Variants in CCDC91 observed in about 807,000 individuals in gnomAD.
The protein encoded by CCDC91 is coiled-coil domain-containing protein 91.
In CCDC91, 48 loss-of-function variants were observed where a neutral mutation model predicts 63.2. The observed-to-expected ratio is 0.76, with a 90% CI of 0.60 to 0.97. CCDC91 has a LOEUF of 0.97. Among genes scored for constraint, CCDC91 ranks in the 50% least tolerant of loss-of-function variants. The probability of loss-of-function intolerance (pLI) is 0.00; values close to 1 mark genes in which losing one functional copy is unlikely to be tolerated. For missense variants in CCDC91, 500 were observed against 494.6 expected (o/e 1.01, Z -0.10); for synonymous variants, 167 against 165.8 (o/e 1.01, Z -0.06).
chr12:28,486,441 C>T (rs2140946872), intron 12 of CCDC91, among the ~76,000 whole-genome samples: 1 of 152,098 alleles, frequency 6.6e-6, no homozygotes, highest in Admixed American at 6.6e-5. Context: ...TATGGCCAAT[C>T]TTTATTTGAG....
At chr12:28,413,329 A>AT (rs1272029124) in intron 8 of CCDC91, among the ~76,000 whole-genome samples, 1 of 151,972 alleles carries the variant, frequency 6.6e-6, no homozygotes, top group Non-Finnish European at 1.5e-5. Flanking sequence ...TTCTTAATGG[A>AT]TTTTTACCCC....
intron 8 of CCDC91, among the ~76,000 whole-genome samples, chr12:28,432,701 T>C (rs186974794): frequency 8.5e-5 from 13 of 152,278 alleles, no homozygotes; most frequent in Admixed American, 7.9e-4. Context: ...ATGTTTTTTG[T>C]GGACATGAGT....
chr12:28,545,073 A>G (rs1315330248), intron 12 of CCDC91, among the ~76,000 whole-genome samples: 1 of 152,066 alleles, frequency 6.6e-6, no homozygotes, highest in Non-Finnish European at 1.5e-5. Flanking sequence ...AAATTAAAGC[A>G]ACAGAAAATG....
intron 1 of CCDC91, among the ~76,000 whole-genome samples, chr12:28,237,235 TACACACACAC>T (rs58134900): frequency 4.2e-5 from 6 of 143,126 alleles, no homozygotes; most frequent in African/African-American, 1.5e-4. Context: ...GTATTACACA[TACACACACAC>T]ACACACACAC....
intron 11 of CCDC91, among the ~76,000 whole-genome samples, chr12:28,475,947 A>C (rs926385934): frequency 2.0e-5 from 3 of 152,034 alleles, no homozygotes; most frequent in Non-Finnish European, 4.4e-5. Flanking sequence ...CTGATTATAC[A>C]GGCTTGTTTC....
intron 7 of CCDC91, among the ~76,000 whole-genome samples, chr12:28,364,188 C>T (rs1944115635): frequency 1.3e-5 from 2 of 151,972 alleles, no homozygotes; most frequent in Non-Finnish European, 2.9e-5. Context: ...GGGTTCCAGA[C>T]CAGCCTGGCC....
At chr12:28,473,829 C>T (rs1254109834) in intron 11 of CCDC91, among the ~76,000 whole-genome samples, 1 of 152,110 alleles carries the variant, frequency 6.6e-6, no homozygotes, top group Non-Finnish European at 1.5e-5. Context: ...AAACAAGCTC[C>T]TTTCTTCCCC....
chr12:28,483,703 A>T (rs142059923), intron 11 of CCDC91, among the ~76,000 whole-genome samples: 1 of 152,272 alleles, frequency 6.6e-6, no homozygotes, highest in Non-Finnish European at 1.5e-5. Context: ...TTCTTGGAAG[A>T]ATAAACACAA....
At chr12:28,388,627 C>T (rs1472427629) in intron 7 of CCDC91, among the ~76,000 whole-genome samples, 1 of 152,178 alleles carries the variant, frequency 6.6e-6, no homozygotes, top group African/African-American at 2.4e-5. Flanking sequence ...AATGGAAATA[C>T]ATCCCATGCT....
intron 8 of CCDC91, among the ~76,000 whole-genome samples, chr12:28,448,582 A>G (rs960026352): frequency 2.6e-5 from 4 of 152,096 alleles, no homozygotes; most frequent in African/African-American, 9.7e-5. Context: ...TTTTTATTGG[A>G]CCACTTAGGA....
At chr12:28,240,189 C>T (rs376254166) in intron 1 of CCDC91, among the ~76,000 whole-genome samples, 6 of 152,118 alleles carry the variant, frequency 3.9e-5, no homozygotes, top group African/African-American at 9.7e-5. Context: ...GTCCATTTTA[C>T]GCTTTCTAAT....
Position 28,503,622 on chromosome 12 carries a change from A to G in CCDC91, c.1215+19457A>G, listed in dbSNP as rs184653349. On this transcript the variant is annotated intron_variant, in intron 12 of 12. Coordinates refer to ENST00000536442, the MANE Select transcript of CCDC91 (RefSeq NM_018318.5). Reference sequence around the variant, plus strand: ...AGGACTACAAATCATACTGCTATAAAGACACATGCACACGTATGTTTATTG... The same window carrying G: ...AGGACTACAAATCATACTGCTATAAGGACACATGCACACGTATGTTTATTG... 8.3e-3 allele frequency among the ~76,000 whole-genome samples: 1,257 copies of G among 152,328 alleles called. 15 individuals are homozygous for G. Among genetic ancestry groups the G allele is most frequent in the Middle Eastern group, 0.014 (4 of 294 alleles).
chr12:28,506,486 T>A (rs1938730705), intron 12 of CCDC91, among the ~76,000 whole-genome samples: 1 of 151,946 alleles, frequency 6.6e-6, no homozygotes, highest in Non-Finnish European at 1.5e-5. Context: ...GTCCAGTGAG[T>A]AAGAATTAAT....
chr12:28,394,845 C>A (rs1946192886), intron 8 of CCDC91, among the ~76,000 whole-genome samples: 1 of 152,122 alleles, frequency 6.6e-6, no homozygotes, highest in Non-Finnish European at 1.5e-5. Context: ...TAGGGCAAGT[C>A]TCTTAATCTC....
Position 28,232,752 on chromosome 12 carries a change from C to T in CCDC91, c.-14-24450C>T, listed in dbSNP as rs538232967. 4.6e-4 allele frequency among the ~76,000 whole-genome samples: 70 copies of T among 152,118 alleles called. 1 individual carries two copies. Among genetic ancestry groups the T allele is most frequent in the South Asian group, 3.5e-3 (17 of 4,826 alleles). On this transcript the variant is annotated intron_variant, in intron 1 of 12. Transcript: ENST00000536442. ...GTCAGAAATGATGGTATGTCTTGTT[C>T]TGTTACCAACTAGCAATTTATGTTT... is the stretch of plus-strand genomic sequence containing the variant.
chr12:28,271,181 C>T (rs1183832418), intron 3 of CCDC91, among the ~76,000 whole-genome samples: 3 of 151,990 alleles, frequency 2.0e-5, no homozygotes, highest in Non-Finnish European at 4.4e-5. Context: ...TTAAGGGAGG[C>T]AGGGCTTACA....
intron 6 of CCDC91, among the ~76,000 whole-genome samples, chr12:28,355,452 A>G (rs957164140): frequency 6.6e-6 from 1 of 152,166 alleles, no homozygotes; most frequent in Non-Finnish European, 1.5e-5. Flanking sequence ...AGAATTGACA[A>G]TGGCAACAAT....
intron 12 of CCDC91, among the ~76,000 whole-genome samples, chr12:28,513,223 A>G (rs1259382496): frequency 6.6e-6 from 1 of 151,894 alleles, no homozygotes; most frequent in Non-Finnish European, 1.5e-5. Context: ...TATTCATAAT[A>G]TTGCTGGTAT....
chr12:28,317,807 G>T (rs919378345), intron 6 of CCDC91, among the ~76,000 whole-genome samples: 57 of 151,764 alleles, frequency 3.8e-4, no homozygotes, highest in African/African-American at 1.3e-3. Context: ...ACTTGTATTT[G>T]TACCTTTTTT....
Sources: gnomAD v4.1 joint callset for allele counts (sites outside exome capture counted in the v4.1 genomes callset) on GRCh38, gnomAD v4.1.1 for gene constraint, MANE v1.5 for transcripts, NCBI Gene and HGNC (gene_info 2026-07-23, HGNC 2026-07-21) for gene names.